The following MAD1L1 variants were observed in gnomAD, a reference collection of about 807,000 sequenced individuals.
The protein encoded by MAD1L1 is mitotic spindle assembly checkpoint protein MAD1.
Under a neutral mutation model 96.9 loss-of-function variants are expected in MAD1L1, and 95 were observed. That is an observed-to-expected ratio of 0.98 (90% CI 0.83 to 1.16). The LOEUF is 1.16. MAD1L1 is among the 50% of genes most tolerant of loss of function. The pLI is 0.00. For synonymous variants in MAD1L1, 473 were observed against 396.6 expected, an observed-to-expected ratio of 1.19 and a Z score of -2.29; for missense variants, 1,007 against 954.4, an observed-to-expected ratio of 1.06 and a Z score of -0.73.
chr7:2,217,317 T>C (rs1793342299), intron 7 of MAD1L1, among the ~76,000 whole-genome samples: 1 of 152,136 alleles, frequency 6.6e-6, no homozygotes, highest in Non-Finnish European at 1.5e-5. Flanking sequence ...TCCATCGCCC[T>C]GCCAGCCAGA....
chr7:1,856,247 G>A (rs1784244603), intron 18 of MAD1L1, among the ~76,000 whole-genome samples: 1 of 152,242 alleles, frequency 6.6e-6, no homozygotes, highest in African/African-American at 2.4e-5. Context: ...GTGCCTGTGG[G>A]GCCAGCAGGT....
chr7:2,115,876 C>T (rs1188547609), intron 11 of MAD1L1, among the ~76,000 whole-genome samples: 2 of 152,220 alleles, frequency 1.3e-5, no homozygotes, highest in African/African-American at 4.8e-5. Flanking sequence ...CAGAGCAGGG[C>T]GGGCTGTCCC....
chr7:2,218,991 T>G (rs879551516), intron 6 of MAD1L1, among the ~76,000 whole-genome samples: 2 of 151,744 alleles, frequency 1.3e-5, no homozygotes, highest in Non-Finnish European at 2.9e-5. Flanking sequence ...GCCCAGGAGG[T>G]TGAGGCTACA....
intron 12 of MAD1L1, among the ~76,000 whole-genome samples, chr7:2,018,875 G>C (rs894501308): frequency 9.9e-5 from 15 of 151,856 alleles, no homozygotes; most frequent in African/African-American, 3.6e-4. Flanking sequence ...CTCCAAGGCT[G>C]TTCTGCACAT....
At chr7:2,128,659 GC>G (rs1445299039) in intron 11 of MAD1L1, among the ~76,000 whole-genome samples, 2 of 152,226 alleles carry the variant, frequency 1.3e-5, no homozygotes, top group Non-Finnish European at 2.9e-5. Context: ...AGGGCTGAAG[GC>G]TCAGCTGGGG....
chr7:1,950,307 C>T (rs538206050), intron 16 of MAD1L1, among the ~76,000 whole-genome samples: 1 of 138,096 alleles, frequency 7.2e-6, no homozygotes, highest in South Asian at 2.4e-4. Flanking sequence ...ACACTCACAC[C>T]ATCCGTCTGT....
At chr7:1,956,143 T>A (rs1779718713) in intron 16 of MAD1L1, among the ~76,000 whole-genome samples, 1 of 152,106 alleles carries the variant, frequency 6.6e-6, no homozygotes, top group African/African-American at 2.4e-5. Flanking sequence ...AGTATTTCCT[T>A]CAATGGCACA....
chr7:1,885,562 G>C (rs544888449), intron 18 of MAD1L1, among the ~76,000 whole-genome samples: 55 of 152,284 alleles, frequency 3.6e-4, no homozygotes, highest in Admixed American at 3.5e-3. Flanking sequence ...GTCCCACGGT[G>C]GGCCGCTGTA....
At chr7:1,916,279 CTG>C (rs1788389009) in intron 17 of MAD1L1, among the ~76,000 whole-genome samples, 1 of 152,188 alleles carries the variant, frequency 6.6e-6, no homozygotes, top group Admixed American at 6.5e-5. Flanking sequence ...GGAACGAAAA[CTG>C]TATCCACACA....
Position 2,219,330 on chromosome 7 carries a change from A to G in MAD1L1, c.596+2T>C. Reference sequence around the variant, plus strand: ...CCGACCCCACACCCTGGCCCCGCCCACTTGTGTTGCAGGTCCAGCTGCTCC... The same window carrying G: ...CCGACCCCACACCCTGGCCCCGCCCGCTTGTGTTGCAGGTCCAGCTGCTCC... On this transcript the variant is annotated splice_donor_variant, in intron 6 of 18. Coordinates refer to ENST00000265854, the MANE Select transcript of MAD1L1 (RefSeq NM_001013836.2). LOFTEE classifies it high-confidence loss of function. 6.4e-7 allele frequency: 1 copy of G among 1,556,480 alleles called. No homozygotes were observed. The highest frequency in any genetic ancestry group is 8.7e-7 in the Non-Finnish European group (1 of 1,150,502).
At chr7:2,047,772 T>C (rs2128515323) in intron 12 of MAD1L1, among the ~76,000 whole-genome samples, 1 of 152,058 alleles carries the variant, frequency 6.6e-6, no homozygotes, top group South Asian at 2.1e-4. Context: ...TACAGAGAGC[T>C]GCCTCTGCAG....
At chr7:1,927,512 G>C (rs2128459117) in intron 17 of MAD1L1, among the ~76,000 whole-genome samples, 1 of 152,322 alleles carries the variant, frequency 6.6e-6, no homozygotes, top group Non-Finnish European at 1.5e-5. Flanking sequence ...GAACAGAAGA[G>C]AAGGTGTAGA....
At chr7:2,082,096 C>A (rs1403043690) in intron 11 of MAD1L1, among the ~76,000 whole-genome samples, 2 of 151,994 alleles carry the variant, frequency 1.3e-5, no homozygotes, top group African/African-American at 2.4e-5. Flanking sequence ...AAAGCAGAGA[C>A]CGAGGAATAA....
chr7:1,977,105 C>G (rs1347023243), intron 15 of MAD1L1, among the ~76,000 whole-genome samples: 4 of 152,234 alleles, frequency 2.6e-5, no homozygotes, highest in African/African-American at 7.2e-5. Flanking sequence ...TCCCACGTCA[C>G]ACGCCTGCAC....
chr7:2,079,047 C>T (rs1045511709), intron 11 of MAD1L1, among the ~76,000 whole-genome samples: 1 of 152,120 alleles, frequency 6.6e-6, no homozygotes, highest in Non-Finnish European at 1.5e-5. Flanking sequence ...AGGGGCTTGG[C>T]CGAGCCAGCG....
intron 13 of MAD1L1, among the ~76,000 whole-genome samples, chr7:2,010,752 G>A (rs577802935): frequency 2.6e-5 from 4 of 152,304 alleles, no homozygotes; most frequent in South Asian, 2.1e-4. Context: ...GCATCCTCCC[G>A]CTGGCGACTA....
At chr7:2,069,091 C>T in intron 12 of MAD1L1, 103 bp downstream of exon 12, 2 of 1,414,684 alleles carry the variant, frequency 1.4e-6, no homozygotes, top group Admixed American at 2.7e-5. Context: ...CAACCCTGAC[C>T]CGGCTGCAGC....
At chr7:2,086,863 G>A (rs369679097) in intron 11 of MAD1L1, among the ~76,000 whole-genome samples, 1 of 152,224 alleles carries the variant, frequency 6.6e-6, no homozygotes, top group African/African-American at 2.4e-5. Flanking sequence ...CACAATTGCT[G>A]TTATCTTCTG....
At chr7:2,011,573 G>A (rs918287821) in intron 13 of MAD1L1, among the ~76,000 whole-genome samples, 2 of 152,174 alleles carry the variant, frequency 1.3e-5, no homozygotes, top group Non-Finnish European at 2.9e-5. Flanking sequence ...CTCCGCAGGT[G>A]ACCTGGTCCC....
Sources: gnomAD v4.1 joint callset for allele counts (sites outside exome capture counted in the v4.1 genomes callset) on GRCh38, gnomAD v4.1.1 for gene constraint, MANE v1.5 for transcripts, NCBI Gene and HGNC (gene_info 2026-07-23, HGNC 2026-07-21) for gene names.